Variants in DHRS2 observed in about 807,000 individuals in gnomAD.
DHRS2 encodes the protein dehydrogenase/reductase SDR family member 2, mitochondrial.
In DHRS2, 29 loss-of-function variants were observed where a neutral mutation model predicts 26.3. The observed-to-expected ratio is 1.10, with a 90% CI of 0.82 to 1.50. The LOEUF (loss-of-function observed/expected upper bound fraction) is 1.50. Among genes scored for constraint, DHRS2 ranks in the 40% most tolerant of loss-of-function variants. The pLI, the probability that DHRS2 is intolerant of heterozygous loss-of-function variation, is 0.00. For missense variants in DHRS2, 439 were observed against 367.1 expected (o/e 1.20, Z -1.60); for synonymous variants, 164 against 151.3 (o/e 1.08, Z -0.62).
chr14:23,633,170 G>A (rs1437192998), upstream of DHRS2, among the ~76,000 whole-genome samples: 1 of 152,176 alleles, frequency 6.6e-6, no homozygotes, highest in Non-Finnish European at 1.5e-5. Context: ...AGTCTCCCAT[G>A]CCAGATCCTC....
At chr14:23,644,058 C>T (rs539806672) in intron 5 of DHRS2, 53 bp from the exon 6 acceptor site, 4 of 1,558,550 alleles carry the variant, frequency 2.6e-6, no homozygotes, top group African/African-American at 2.7e-5. Context: ...GATAGTGTCA[C>T]CATCAGTGGT....
intron 4 of DHRS2, chr14:23,641,379 G>T (rs1890659576): frequency 3.9e-6 from 1 of 257,060 alleles, no homozygotes; most frequent in South Asian, 4.7e-5. Flanking sequence ...AGCGACTCCA[G>T]CGTGCGCCCT....
upstream of DHRS2, among the ~76,000 whole-genome samples, chr14:23,632,538 G>A (rs1445628820): frequency 6.6e-6 from 1 of 152,140 alleles, no homozygotes; most frequent in Non-Finnish European, 1.5e-5. Flanking sequence ...GCATTTGGTC[G>A]CCTGCATTTT....
rs1890307286 is a variant in DHRS2, at chr14:23,636,677, C to G, written c.-134C>G. On this transcript the variant is annotated 5_prime_UTR_variant, in exon 1 of 9. Transcript: ENST00000250383. ...TTGGTGACTTTGAAGAGACTGTCACCTATCACCAAGTGGTGAGACTATTGC... is the reference window on the plus strand; with the variant it reads ...TTGGTGACTTTGAAGAGACTGTCACGTATCACCAAGTGGTGAGACTATTGC... The G allele has an allele frequency of 6.6e-6, 1 of 152,244 alleles. No individual in the cohort carries two copies. 9.4% of individuals were successfully genotyped at this position (152,244 alleles called of 1,614,324 possible).
upstream of DHRS2, among the ~76,000 whole-genome samples, chr14:23,635,866 C>T (rs112083692): frequency 3.9e-5 from 6 of 152,358 alleles, no homozygotes; most frequent in Admixed American, 2.0e-4. Flanking sequence ...CTCCGTGGGC[C>T]GGCCGGTGCC....
At chr14:23,633,035 G>C (rs1267741184), upstream of DHRS2, among the ~76,000 whole-genome samples, 1 of 152,220 alleles carries the variant, frequency 6.6e-6, no homozygotes, top group Non-Finnish European at 1.5e-5. Flanking sequence ...CCCACATAGG[G>C]GAAGGCAGGA....
chr14:23,632,154 C>G (rs1395687936), upstream of DHRS2, among the ~76,000 whole-genome samples: 2 of 152,168 alleles, frequency 1.3e-5, no homozygotes, highest in African/African-American at 4.8e-5. Context: ...AAGGCGAGTC[C>G]TCTTTTTCCT....
chr14:23,640,041 T>C, intron 4 of DHRS2, 146 bp downstream of exon 4: 1 of 775,636 alleles, frequency 1.3e-6, no homozygotes. Context: ...CCTGGCCAGC[T>C]GTCTCCCAAA....
intron 1 of DHRS2, among the ~76,000 whole-genome samples, chr14:23,630,958 C>A (rs1396938373): frequency 6.6e-6 from 1 of 152,092 alleles, no homozygotes; most frequent in African/African-American, 2.4e-5. Context: ...GTAGATGAAG[C>A]CTCCAGGTAG....
At chr14:23,637,021 A>C (rs759153125) in intron 1 of DHRS2, among the ~76,000 whole-genome samples, 17 of 150,930 alleles carry the variant, frequency 1.1e-4, no homozygotes, top group Non-Finnish European at 1.3e-4. Flanking sequence ...GAGGGTCAAC[A>C]GAGAGGAAAG....
chr14:23,637,865 CAG>C (rs1200978660), intron 1 of DHRS2, among the ~76,000 whole-genome samples: 1 of 152,120 alleles, frequency 6.6e-6, no homozygotes, highest in Admixed American at 6.5e-5. Context: ...CTCTATAAAA[CAG>C]ACCAATCAGC....
chr14:23,643,138 T>C lies in DHRS2; in HGVS notation c.421-14T>C. The C allele has an allele frequency of 6.2e-7, 1 of 1,613,978 alleles. No homozygotes were observed. The highest frequency in any genetic ancestry group is 8.5e-7 in the Non-Finnish European group (1 of 1,179,924). The stretch of plus-strand genomic sequence containing the variant: ...TGTCTCTCTGCCCTCACCCATGCTC[T>C]GCTCTGATTTCAGATCCTAAGTGTG... On this transcript the variant is annotated splice_polypyrimidine_tract_variant and intron_variant, in intron 4 of 8. Coordinates refer to ENST00000250383, the MANE Select transcript of DHRS2 (RefSeq NM_005794.4).
chr14:23,637,508 C>T (rs2138370573), intron 1 of DHRS2, among the ~76,000 whole-genome samples: 1 of 152,322 alleles, frequency 6.6e-6, no homozygotes, highest in Admixed American at 6.5e-5. Flanking sequence ...ACTTTTCCAA[C>T]CCTGGAGACC....
intron 3 of DHRS2, 138 bp from the exon 4 acceptor site, chr14:23,639,656 G>T (rs1323658110): frequency 1.6e-5 from 16 of 987,190 alleles, no homozygotes; most frequent in Admixed American, 3.4e-5. Context: ...GGCCCCAGGA[G>T]CCTGCCCTTG....
intron 5 of DHRS2, chr14:23,643,578 T>C (rs1476754469): frequency 1.0e-5 from 3 of 291,722 alleles, no homozygotes; most frequent in Non-Finnish European, 2.0e-5. Flanking sequence ...TTCCTCTCCA[T>C]AGGAAAAAGC....
intron 4 of DHRS2, chr14:23,641,902 G>A: frequency 8.3e-7 from 1 of 1,210,120 alleles, no homozygotes. Context: ...GGATGCAGCT[G>A]ACCTGAATCA....
rs1236985934 is a variant in DHRS2 at position 23,639,341 on chromosome 14, G to A, written c.303G>A (p.Glu101=). ...ACGTGGGGAAGGCTGAGGACCGGGA[G>A]CAGCTGGTGGCCAAGGTGAGGGGGC... ...VCHVGKAEDR[E]QLVAKALEHC... The change falls in exon 3 of 9, where the codon GAG becomes GAA. Residue 101 remains glutamate (E), a synonymous_variant. Coordinates refer to ENST00000250383, the MANE Select transcript of DHRS2 (RefSeq NM_005794.4). The A allele has an allele frequency of 5.7e-6, 9 of 1,569,144 alleles. No individual in the cohort carries two copies. In the Admixed American group the frequency reaches 9.4e-5, roughly 16 times the overall value.
At chr14:23,635,785 G>T (rs1232953295), upstream of DHRS2, among the ~76,000 whole-genome samples, 4 of 152,252 alleles carry the variant, frequency 2.6e-5, no homozygotes, top group Admixed American at 2.6e-4. Flanking sequence ...CCCTCTGCTC[G>T]CCAGGAGGTG....
Position 23,640,252 on chromosome 14 carries a change from T to C in DHRS2, c.420+357T>C, listed in dbSNP as rs147283952. ...GTCTCTCTGTAAGAGTCAAACATTT[T>C]TGTATGGTACACCCTTTTGTAGGGG... On this transcript the variant is annotated intron_variant, in intron 4 of 8. Transcript: ENST00000250383. The C allele has an allele frequency of 6.4e-4, 637 of 994,554 alleles. 3 individuals are homozygous for C. In the African/African-American group the frequency reaches 0.011, roughly 16 times the overall value. 61.6% of individuals were successfully genotyped at this position (994,554 alleles called of 1,614,324 possible).
Sources: allele counts gnomAD v4.1 joint callset (sites outside exome capture counted in the v4.1 genomes callset), GRCh38; gene constraint gnomAD v4.1.1; transcripts MANE v1.5; gene names NCBI Gene and HGNC (gene_info 2026-07-23, HGNC 2026-07-21).